The following NET1 variants were observed in gnomAD, a reference collection of about 807,000 sequenced individuals.
NET1 encodes the protein neuroepithelial cell-transforming gene 1 protein.
A neutral mutation model predicts 61.1 loss-of-function variants in NET1; 42 were observed. The observed-to-expected ratio is 0.69, with a 90% CI of 0.54 to 0.89. The LOEUF is 0.89. NET1 is among the 40% of genes least tolerant of loss of function. The pLI is 0.00. For synonymous variants in NET1, 254 were observed against 281.8 expected (o/e 0.90, Z 0.99); for missense variants, 654 against 747.3 (o/e 0.88, Z 1.46).
chr10:5,422,273 G>T lies in NET1; in HGVS notation c.129-4382G>T, dbSNP rs563139575. On this transcript the variant is annotated intron_variant, in intron 1 of 11. Transcript: ENST00000355029. This position sits in a 1 kb window ranked among gnomAD's most constrained non-coding sequence, Gnocchi z 4.1. ...AATCGCTTGAACCCTGGAGGCGGAGGTTGTAGTGAGCCGAGATCGTACCAC... is the reference window on the plus strand; with the variant it reads ...AATCGCTTGAACCCTGGAGGCGGAGTTTGTAGTGAGCCGAGATCGTACCAC... Among the ~76,000 whole-genome samples, 6 of 151,966 alleles carry T rather than the reference G, an allele frequency of 3.9e-5. 1 individual carries two copies. The highest frequency in any genetic ancestry group is 3.3e-4 in the Admixed American group (5 of 15,262).
At chr10:5,433,690 G>T (rs1832382758) in intron 3 of NET1, among the ~76,000 whole-genome samples, 1 of 152,052 alleles carries the variant, frequency 6.6e-6, no homozygotes, top group Admixed American at 6.5e-5. Flanking sequence ...TAATAAATGT[G>T]TAGTTTCAGG....
intron 1 of NET1, among the ~76,000 whole-genome samples, chr10:5,425,671 C>CT (rs536234936): frequency 1.3e-3 from 203 of 152,296 alleles, no homozygotes; most frequent in African/African-American, 4.2e-3. Flanking sequence ...TGAGCCTTCT[C>CT]TTTTTTCCAT....
In NET1 at chr10:5,451,924, G is replaced by A. The variant is rs1288843575; in HGVS notation, c.350G>A (p.Gly117Asp). The A allele has an allele frequency of 5.0e-6, 8 of 1,613,282 alleles. No individual in the cohort carries two copies. The highest frequency in any genetic ancestry group is 5.9e-6 in the Non-Finnish European group (7 of 1,179,518). Residue 117 changes from glycine to aspartate, a missense_variant, in exon 4 of 12, where the codon GGT becomes GAT. Physicochemically the swap from Gly to Asp is moderately conservative, Grantham distance 94. Coordinates refer to ENST00000355029, the MANE Select transcript of NET1 (RefSeq NM_001047160.3). The surrounding 1 kb of genome is among the most constrained non-coding windows in gnomAD (Gnocchi z 6.1). Reference protein sequence around the residue: ...PVRNGAVRRFGQTIQSFTLRG... With the variant: ...PVRNGAVRRFDQTIQSFTLRG... ...AGAAATGGAGCTGTCAGACGTTTTG[G>A]TCAAACAATACAGGTAAAAAGAGAG...
chr10:5,418,347 A>G (rs960373819), intron 1 of NET1, among the ~76,000 whole-genome samples: 2 of 152,010 alleles, frequency 1.3e-5, no homozygotes, highest in East Asian at 3.9e-4. Context: ...GTGTCTTCTG[A>G]TAGTTTGTTT....
rs1588442997 is a variant in NET1, at chr10:5,457,059, T to C, written c.*65T>C. The stretch of plus-strand genomic sequence containing the variant: ...TTTATAAATGTGTACAGTTTTGTTT[T>C]CTCGTAAGGGGAGCATCATAGGGTT... On this transcript the variant is annotated 3_prime_UTR_variant, in exon 12 of 12. Transcript: ENST00000355029. This position sits in a 1 kb window ranked among gnomAD's most constrained non-coding sequence, Gnocchi z 5.4. The C allele has an allele frequency of 6.8e-7, 1 of 1,460,608 alleles. No homozygotes were observed. Among genetic ancestry groups the C allele is most frequent in the South Asian group, 1.5e-5 (1 of 66,922 alleles). The allele number at this position is 1,460,608 out of a possible 1,614,324, so 90.5% of individuals were successfully genotyped here.
rs1398550201 is a variant in NET1 at position 5,458,806 on chromosome 10, A to G, written c.*1812A>G. Among the ~76,000 whole-genome samples the G allele has an allele frequency of 6.6e-6, 1 of 152,228 alleles. No individual in the cohort carries two copies. The highest frequency in any genetic ancestry group is 2.4e-5 in the African/African-American group (1 of 41,450). ...TTTGGAAATTCACATTCATAAGTGT[A>G]TATTACACCAATGATTGTGATCTGC... is the stretch of plus-strand genomic sequence containing the variant. On this transcript the variant is annotated 3_prime_UTR_variant, in exon 12 of 12. Coordinates refer to ENST00000355029, the MANE Select transcript of NET1 (RefSeq NM_001047160.3). The surrounding 1 kb of genome is among the most constrained non-coding windows in gnomAD (Gnocchi z 4.5).
In NET1 at chr10:5,412,949, G is replaced by T. The variant is rs1262002094; in HGVS notation, c.128+129G>T. On this transcript the variant is annotated intron_variant, in intron 1 of 11. Transcript: ENST00000355029. This position sits in a 1 kb window ranked among gnomAD's most constrained non-coding sequence, Gnocchi z 6.5. ...GGCTGGCCGGGAGTTGGATGTGGGG[G>T]GCGGCGAGTGGGGGTGTTGGTGAGG... The T allele has an allele frequency of 2.5e-5, 20 of 811,844 alleles. No homozygotes were observed. Among genetic ancestry groups the T allele is most frequent in the Admixed American group, 5.1e-5 (1 of 19,688 alleles). 50.3% of individuals were successfully genotyped at this position (811,844 alleles called of 1,614,324 possible). A position where few individuals can be genotyped will look rare whatever the true frequency, so the allele number is the denominator to read the frequency against.
chr10:5,457,025 G>A lies in NET1; in HGVS notation c.*31G>A. ...GCTCTGTGTGTTAACTGATGGGAGA[G>A]ACTGTTTGTTTATAAATGTGTACAG... On this transcript the variant is annotated 3_prime_UTR_variant, in exon 12 of 12. Coordinates refer to ENST00000355029, the MANE Select transcript of NET1 (RefSeq NM_001047160.3). The surrounding 1 kb of genome is among the most constrained non-coding windows in gnomAD (Gnocchi z 5.4). 3 of 1,510,990 alleles carry A rather than the reference G, an allele frequency of 2.0e-6. No homozygotes were observed. The highest frequency in any genetic ancestry group is 2.7e-6 in the Non-Finnish European group (3 of 1,130,444). The allele number at this position is 1,510,990 out of a possible 1,614,324, so 93.6% of individuals were successfully genotyped here.
chr10:5,416,733 G>C lies in NET1; in HGVS notation c.128+3913G>C, dbSNP rs540331904. On this transcript the variant is annotated intron_variant, in intron 1 of 11. Coordinates refer to ENST00000355029, the MANE Select transcript of NET1 (RefSeq NM_001047160.3). This position sits in a 1 kb window ranked among gnomAD's most constrained non-coding sequence, Gnocchi z 6.1. Reference sequence around the variant, plus strand: ...CAGGGCGTGCACTGGAGGTGTGCTCGCTTCTTCGGTGCCCTGCTGTTCAAA... The same window carrying C: ...CAGGGCGTGCACTGGAGGTGTGCTCCCTTCTTCGGTGCCCTGCTGTTCAAA... 1.3e-5 allele frequency among the ~76,000 whole-genome samples: 2 copies of C among 152,094 alleles called. No homozygotes were observed. Among genetic ancestry groups the C allele is most frequent in the African/African-American group, 4.8e-5 (2 of 41,394 alleles).
chr10:5,447,719 T>TACACTTTTATTTGGTGTTCCTGA lies in NET1; in HGVS notation c.256-4110_256-4109insCACTTTTATTTGGTGTTCCTGAA. Among the ~76,000 whole-genome samples the TACACTTTTATTTGGTGTTCCTGA allele has an allele frequency of 6.6e-6, 1 of 152,248 alleles. No individual in the cohort carries two copies. Among genetic ancestry groups the TACACTTTTATTTGGTGTTCCTGA allele is most frequent in the East Asian group, 1.9e-4 (1 of 5,202 alleles). On this transcript the variant is annotated intron_variant, in intron 3 of 11. Coordinates refer to ENST00000355029, the MANE Select transcript of NET1 (RefSeq NM_001047160.3). The surrounding 1 kb of genome is among the most constrained non-coding windows in gnomAD (Gnocchi z 4.1). Reference sequence around the variant, plus strand: ...TACACACACCTTTTGGTAGTTAAAATAGCTGCCGTCTTCAGGAAGTACACT... The same window carrying TACACTTTTATTTGGTGTTCCTGA: ...TACACACACCTTTTGGTAGTTAAAATACACTTTTATTTGGTGTTCCTGAAGCTGCCGTCTTCAGGAAGTACACT...
chr10:5,413,135 C>T (rs1376681790), intron 1 of NET1, among the ~76,000 whole-genome samples: 1 of 151,908 alleles, frequency 6.6e-6, no homozygotes, highest in African/African-American at 2.4e-5. Flanking sequence ...CCCCAAACTG[C>T]GATTTTCCCT....
intron 3 of NET1, among the ~76,000 whole-genome samples, chr10:5,430,869 A>G (rs941190012): frequency 2.6e-5 from 3 of 114,100 alleles, no homozygotes; most frequent in African/African-American, 3.7e-5. Flanking sequence ...ATGATTAACT[A>G]TATCTCTTTT....
At position 5,455,282 on chromosome 10, in the gene NET1, A is replaced by G. The variant is rs1389711490; in HGVS notation, c.1197+164A>G. ...CAGCTTGATAAAGCCAACAAAGAAGATACCTTAAATGTCTCAGTGGAGAAT... is the reference window on the plus strand; with the variant it reads ...CAGCTTGATAAAGCCAACAAAGAAGGTACCTTAAATGTCTCAGTGGAGAAT... On this transcript the variant is annotated intron_variant, in intron 10 of 11. Coordinates refer to ENST00000355029, the MANE Select transcript of NET1 (RefSeq NM_001047160.3). This position sits in a 1 kb window ranked among gnomAD's most constrained non-coding sequence, Gnocchi z 6.5. Among the ~76,000 whole-genome samples, 2 of 152,196 alleles carry G rather than the reference A, an allele frequency of 1.3e-5. No individual in the cohort carries two copies. Among genetic ancestry groups the G allele is most frequent in the African/African-American group, 4.8e-5 (2 of 41,450 alleles).
rs1326650234 is a variant in NET1, at chr10:5,447,709, G to A, written c.256-4121G>A. The stretch of plus-strand genomic sequence containing the variant: ...TGTGTACACATACACACACCTTTTG[G>A]TAGTTAAAATAGCTGCCGTCTTCAG... On this transcript the variant is annotated intron_variant, in intron 3 of 11. Transcript: ENST00000355029. This position sits in a 1 kb window ranked among gnomAD's most constrained non-coding sequence, Gnocchi z 4.1. Among the ~76,000 whole-genome samples the A allele has an allele frequency of 6.6e-6, 1 of 152,184 alleles. No homozygotes were observed. Among genetic ancestry groups the A allele is most frequent in the Non-Finnish European group, 1.5e-5 (1 of 68,034 alleles).
rs760342056 is a variant in NET1 at position 5,416,918 on chromosome 10, C to T, written c.128+4098C>T. 7.9e-5 allele frequency among the ~76,000 whole-genome samples: 12 copies of T among 152,136 alleles called. No individual in the cohort carries two copies. The highest frequency in any genetic ancestry group is 1.6e-4 in the Non-Finnish European group (11 of 68,026). Reference sequence around the variant, plus strand: ...CTTGTATTCATCAGCTCAGTTAGACCCCTGCCTTATTTCAAGGACAGGGGG... The same window carrying T: ...CTTGTATTCATCAGCTCAGTTAGACTCCTGCCTTATTTCAAGGACAGGGGG... On this transcript the variant is annotated intron_variant, in intron 1 of 11. Transcript: ENST00000355029. This position sits in a 1 kb window ranked among gnomAD's most constrained non-coding sequence, Gnocchi z 6.1.
intron 3 of NET1, among the ~76,000 whole-genome samples, chr10:5,430,395 G>A: frequency 7.3e-6 from 1 of 136,084 alleles, no homozygotes. Flanking sequence ...TTTTTTTTGA[G>A]GCGGAGTCTC....
intron 3 of NET1, among the ~76,000 whole-genome samples, chr10:5,434,499 T>C (rs927652178): frequency 2.6e-4 from 39 of 152,180 alleles, no homozygotes; most frequent in Non-Finnish European, 2.8e-4. Context: ...TAGTATGCCA[T>C]TGAGGCTTCA....
Position 5,440,283 on chromosome 10 carries a change from A to C in NET1, c.255+11054A>C, listed in dbSNP as rs1363112285. Among the ~76,000 whole-genome samples the C allele has an allele frequency of 6.6e-6, 1 of 152,322 alleles. No homozygotes were observed. Among genetic ancestry groups the C allele is most frequent in the African/African-American group, 2.4e-5 (1 of 41,578 alleles). On this transcript the variant is annotated intron_variant, in intron 3 of 11. Transcript: ENST00000355029. This position sits in a 1 kb window ranked among gnomAD's most constrained non-coding sequence, Gnocchi z 4.1. Reference sequence around the variant, plus strand: ...TGCTGTCCTTCCCACCTAAAAGCAAACTACTTTTGACCCTTCTTACTAATG... The same window carrying C: ...TGCTGTCCTTCCCACCTAAAAGCAACCTACTTTTGACCCTTCTTACTAATG...
chr10:5,456,835 TACTC>T lies in NET1; in HGVS notation c.1634_1637del (p.Thr545ArgfsTer2). On this transcript the variant is annotated frameshift_variant, in exon 12 of 12. Coordinates refer to ENST00000355029, the MANE Select transcript of NET1 (RefSeq NM_001047160.3). LOFTEE classifies it low-confidence loss of function (END_TRUNC). The surrounding 1 kb of genome is among the most constrained non-coding windows in gnomAD (Gnocchi z 7.0). Reference sequence around the variant, plus strand: ...GGAGGGCATCCACAGTTTCCAGTGTTACTCAGGTAGAAGTTGATGAAAACGCTTA... The same window carrying T: ...GGAGGGCATCCACAGTTTCCAGTGTTAGGTAGAAGTTGATGAAAACGCTTA... 6.2e-7 allele frequency: 1 copy of T among 1,614,062 alleles called. No homozygotes were observed. The highest frequency in any genetic ancestry group is 8.5e-7 in the Non-Finnish European group (1 of 1,180,012).
Sources: allele counts gnomAD v4.1 joint callset (sites outside exome capture counted in the v4.1 genomes callset), GRCh38; gene constraint gnomAD v4.1.1; non-coding constraint Gnocchi (gnomAD v3.1); transcripts MANE v1.5; gene names NCBI Gene and HGNC (gene_info 2026-07-23, HGNC 2026-07-21).